CTNNBIP1: variants seen among roughly 807,000 people sequenced by gnomAD.
CTNNBIP1 encodes the protein catenin beta interacting protein 1, also known as beta-catenin-interacting protein 1.
CTNNBIP1 carries 7 observed loss-of-function variants against 11.8 expected under a neutral mutation model. That is an observed-to-expected ratio of 0.60 (90% CI 0.34 to 1.12). The LOEUF (loss-of-function observed/expected upper bound fraction) is 1.12, where lower values mean the gene tolerates loss of function less well. Among genes scored for constraint, CTNNBIP1 ranks in the 50% most tolerant of loss-of-function variants. CTNNBIP1 has a pLI of 0.03. For synonymous variants in CTNNBIP1, 58 were observed against 43.9 expected (o/e 1.32, Z -1.26); for missense variants, 101 against 113.4 (o/e 0.89, Z 0.50).
intron 3 of CTNNBIP1, among the ~76,000 whole-genome samples, chr1:9,876,890 AG>A (rs1469849758): frequency 7.2e-6 from 1 of 139,470 alleles, no homozygotes; most frequent in East Asian, 2.1e-4. Flanking sequence ...ACACACACAC[AG>A]TTCAGAGCTG....
chr1:9,876,845 T>TACATAC (rs1363392881), intron 3 of CTNNBIP1, among the ~76,000 whole-genome samples: 77 of 138,098 alleles, frequency 5.6e-4, no homozygotes, highest in African/African-American at 1.8e-3. Flanking sequence ...CTGCTATACA[T>TACATAC]ACACACACAC....
intron 5 of CTNNBIP1, among the ~76,000 whole-genome samples, chr1:9,857,094 C>A (rs1056073947): frequency 6.6e-6 from 1 of 151,242 alleles, no homozygotes; most frequent in African/African-American, 2.4e-5. Flanking sequence ...TGCACTCCAG[C>A]CCGGGTGACA....
chr1:9,876,845 TACACACACACACACACACACAC>T (rs34192085), intron 3 of CTNNBIP1, among the ~76,000 whole-genome samples: 2 of 138,102 alleles, frequency 1.4e-5, no homozygotes, highest in Admixed American at 7.3e-5. Flanking sequence ...CTGCTATACA[TACACACACACACACACACACAC>T]ACACACACAC....
intron 2 of CTNNBIP1, among the ~76,000 whole-genome samples, chr1:9,880,489 T>C (rs771394911): frequency 2.0e-5 from 3 of 152,214 alleles, no homozygotes; most frequent in Non-Finnish European, 4.4e-5. Context: ...TTTGGGTATA[T>C]ACCCAGTAAT....
At chr1:9,903,016 T>C (rs546233638) in intron 1 of CTNNBIP1, among the ~76,000 whole-genome samples, 45 of 152,264 alleles carry the variant, frequency 3.0e-4, no homozygotes, top group African/African-American at 1.0e-3. Flanking sequence ...CCGCCTGCCT[T>C]GGCCTCCCAA....
At chr1:9,859,605 T>G (rs1638580662) in intron 5 of CTNNBIP1, among the ~76,000 whole-genome samples, 1 of 152,210 alleles carries the variant, frequency 6.6e-6, no homozygotes, top group Admixed American at 6.5e-5. Flanking sequence ...AAAGGTCCTT[T>G]CCTGAATATA....
chr1:9,866,266 G>T (rs1638742473), intron 5 of CTNNBIP1, among the ~76,000 whole-genome samples: 1 of 152,350 alleles, frequency 6.6e-6, no homozygotes, highest in South Asian at 2.1e-4. Context: ...CGGCCAAGAG[G>T]CAAATGCAGT....
intron 1 of CTNNBIP1, among the ~76,000 whole-genome samples, chr1:9,892,390 C>T (rs1347034163): frequency 2.0e-5 from 3 of 150,662 alleles, no homozygotes; most frequent in Non-Finnish European, 3.0e-5. Flanking sequence ...CCACTGCATT[C>T]CAGCCTGGGG....
In CTNNBIP1 at chr1:9,871,264, T is replaced by A. The variant is rs1275561036; in HGVS notation, c.110A>T (p.Glu37Val). The change falls in exon 5 of 6, where the codon GAG (glutamate) becomes GTG (valine). Residue 37 changes from glutamate (E) to valine (V), a missense_variant. By Grantham distance (121) the Glu-to-Val change is moderately radical (BLOSUM62 -2). Transcript: ENST00000377263. The surrounding 1 kb of genome is among the most constrained non-coding windows in gnomAD (Gnocchi z 5.2). ...RKMGSNLTAS[E>V]EEFLRTYAGV... ...TGCATAGGTGCGCAGGAACTCCTCC[T>A]CGCTGGCTGTCAGCTGCAGGGTGAG... 1 of 1,569,980 alleles carries A rather than the reference T, an allele frequency of 6.4e-7. No homozygotes were observed. The highest frequency in any genetic ancestry group is 1.9e-5 in the Admixed American group (1 of 52,470).
At chr1:9,902,552 G>C (rs1435863577) in intron 1 of CTNNBIP1, among the ~76,000 whole-genome samples, 6 of 152,012 alleles carry the variant, frequency 3.9e-5, no homozygotes, top group Non-Finnish European at 5.9e-5. Context: ...CTCTTCCCTT[G>C]CTCTTCTGGA....
At chr1:9,864,519 G>A (rs901113145) in intron 5 of CTNNBIP1, among the ~76,000 whole-genome samples, 6 of 152,122 alleles carry the variant, frequency 3.9e-5, no homozygotes, top group South Asian at 2.1e-4. Context: ...TAGTAGAGAC[G>A]GAGTTTCACC....
chr1:9,858,715 T>C (rs983167523), intron 5 of CTNNBIP1, among the ~76,000 whole-genome samples: 1 of 152,204 alleles, frequency 6.6e-6, no homozygotes, highest in Non-Finnish European at 1.5e-5. Flanking sequence ...GTACATCTCA[T>C]GTCATCAGGG....
At chr1:9,891,052 C>G (rs1367892783) in intron 1 of CTNNBIP1, among the ~76,000 whole-genome samples, 1 of 151,790 alleles carries the variant, frequency 6.6e-6, no homozygotes, top group East Asian at 1.9e-4. Context: ...AAAAGCTATG[C>G]CAGCTCTTTG....
rs777290388 is a variant in CTNNBIP1 at position 9,872,860 on chromosome 1, G to A, written c.-24-772C>T. Among the ~76,000 whole-genome samples, 1 of 152,212 alleles carries A rather than the reference G, an allele frequency of 6.6e-6. No homozygotes were observed. Among genetic ancestry groups the A allele is most frequent in the Non-Finnish European group, 1.5e-5 (1 of 68,024 alleles). On this transcript the variant is annotated intron_variant, in intron 3 of 5. Transcript: ENST00000377263. The surrounding 1 kb of genome is among the most constrained non-coding windows in gnomAD (Gnocchi z 4.0). ...TCCAGGAGGAGCTGGAGGAGAGGAA[G>A]CTGGGTATGGAGGGGCTTGGGTTAC...
intron 2 of CTNNBIP1, among the ~76,000 whole-genome samples, chr1:9,882,490 G>C (rs1639104163): frequency 6.6e-6 from 1 of 152,206 alleles, no homozygotes; most frequent in African/African-American, 2.4e-5. Flanking sequence ...ATACACGTAG[G>C]AAGGCCCGAA....
chr1:9,893,433 G>A (rs965878137), intron 1 of CTNNBIP1, among the ~76,000 whole-genome samples: 7 of 152,118 alleles, frequency 4.6e-5, no homozygotes, highest in African/African-American at 1.7e-4. Flanking sequence ...AGAAGCTTCT[G>A]GCAAAACTGG....
At chr1:9,865,446 T>C (rs1638724048) in intron 5 of CTNNBIP1, among the ~76,000 whole-genome samples, 1 of 151,362 alleles carries the variant, frequency 6.6e-6, no homozygotes, top group Non-Finnish European at 1.5e-5. Flanking sequence ...TAAAAAAATA[T>C]ATAAAAAATT....
intron 1 of CTNNBIP1, among the ~76,000 whole-genome samples, chr1:9,898,621 A>G (rs1245625664): frequency 6.6e-6 from 1 of 152,222 alleles, no homozygotes; most frequent in Non-Finnish European, 1.5e-5. Context: ...TATATAAAAA[A>G]AAGTGTAAGT....
At position 9,887,659 on chromosome 1, in the gene CTNNBIP1, C is replaced by T. The variant is rs367708321; in HGVS notation, c.-143-3921G>A. ...CAGAGGTTGCAGTGAGCTGAGATCT[C>T]GCCACTGCACTCCAACCTGGCAAAA... On this transcript the variant is annotated intron_variant, in intron 1 of 5. Coordinates refer to ENST00000377263, the MANE Select transcript of CTNNBIP1 (RefSeq NM_020248.3). Among the ~76,000 whole-genome samples, 232 of 150,414 alleles carry T rather than the reference C, an allele frequency of 1.5e-3. 3 individuals carry two copies. The highest frequency in any genetic ancestry group is 5.3e-3 in the African/African-American group (219 of 41,042).
Sources: allele counts gnomAD v4.1 joint callset (sites outside exome capture counted in the v4.1 genomes callset), GRCh38; gene constraint gnomAD v4.1.1; non-coding constraint Gnocchi (gnomAD v3.1); transcripts MANE v1.5; gene names NCBI Gene and HGNC (gene_info 2026-07-23, HGNC 2026-07-21).